RTP2: variants seen among roughly 807,000 people sequenced by gnomAD.
The protein encoded by RTP2 is receptor-transporting protein 2.
RTP2 carries 12 observed loss-of-function variants against 17.9 expected under a neutral mutation model. The ratio of observed to expected loss-of-function variants is 0.67; its 90% CI spans 0.43 to 1.09. The LOEUF (loss-of-function observed/expected upper bound fraction) is 1.09, where lower values mean the gene tolerates loss of function less well. Ranked by LOEUF, RTP2 falls within the 50% of genes least tolerant of loss-of-function variation. The pLI, the probability that RTP2 is intolerant of heterozygous loss-of-function variation, is 0.00. For synonymous variants in RTP2, 126 were observed against 117.7 expected, an observed-to-expected ratio of 1.07 and a Z score of -0.46; for missense variants, 327 against 295.7, an observed-to-expected ratio of 1.11 and a Z score of -0.78.
At chr3:187,701,312 C>T (rs1227615695) in intron 1 of RTP2, among the ~76,000 whole-genome samples, 3 of 152,154 alleles carry the variant, frequency 2.0e-5, no homozygotes, top group African/African-American at 7.2e-5. Flanking sequence ...ACCCTGGGCT[C>T]TAAGTTCCTA....
At chr3:187,715,033 TCAGGTTA>T in the RTP2 span, among the ~76,000 whole-genome samples, 410 of 151,954 alleles carry the variant, frequency 2.7e-3, 1 homozygote, top group Middle Eastern at 0.01. Flanking sequence ...GCAGGGCAAT[TCAGGTTA>T]CAGGTTACAG....
At chr3:187,702,554 C>T (rs1227416863) in exon 1 of RTP2, 1 of 457,592 alleles carries the variant, frequency 2.2e-6, no homozygotes, top group Non-Finnish European at 4.4e-6. Flanking sequence ...GTACGACACC[C>T]TAGGAAGTCA....
chr3:187,712,868 A>T, the RTP2 span, among the ~76,000 whole-genome samples: 1 of 152,280 alleles, frequency 6.6e-6, no homozygotes, highest in South Asian at 2.1e-4. Flanking sequence ...AGATTATCCT[A>T]TACAGTCTTT....
At chr3:187,707,818 C>A in the RTP2 span, among the ~76,000 whole-genome samples, 2 of 152,274 alleles carry the variant, frequency 1.3e-5, no homozygotes, top group Middle Eastern at 3.4e-3. Flanking sequence ...ATGCTGTTTC[C>A]ATGACACACT....
exon 2 of RTP2, chr3:187,698,800 G>A (rs865885461): frequency 1.2e-6 from 2 of 1,613,222 alleles, no homozygotes; most frequent in Non-Finnish European, 1.7e-6. Flanking sequence ...CACTGCTCGC[G>A]CAGGCTGGTG....
the RTP2 span, among the ~76,000 whole-genome samples, chr3:187,709,191 T>C: frequency 3.3e-5 from 5 of 152,350 alleles, no homozygotes; most frequent in East Asian, 7.7e-4. Context: ...TTTTAAAACA[T>C]TGCAGTGTTT....
At chr3:187,702,279 C>G (rs1047948869) in exon 1 of RTP2, 1 of 739,690 alleles carries the variant, frequency 1.4e-6, no homozygotes. Context: ...CTCTGTTACC[C>G]TGGAACCTGT....
At chr3:187,702,349 G>A in exon 1 of RTP2, 1 of 576,886 alleles carries the variant, frequency 1.7e-6, no homozygotes, top group Non-Finnish European at 3.1e-6. Flanking sequence ...AAGCCCCAAG[G>A]GGGAGTTTCA....
chr3:187,713,768 G>T, the RTP2 span, among the ~76,000 whole-genome samples: 2 of 151,820 alleles, frequency 1.3e-5, no homozygotes, highest in African/African-American at 2.4e-5. Context: ...TTGCAAGGCA[G>T]AAAAGCAGGA....
the RTP2 span, among the ~76,000 whole-genome samples, chr3:187,709,467 T>C: frequency 6.6e-6 from 1 of 152,172 alleles, no homozygotes; most frequent in Non-Finnish European, 1.5e-5. Flanking sequence ...GGGCAGATCA[T>C]GAAGTTAGGA....
Position 187,698,975 on chromosome 3 carries a change from A to C in RTP2, c.201T>G (p.Ser67=), listed in dbSNP as rs201463202. 3 of 1,588,788 alleles carry C rather than the reference A, an allele frequency of 1.9e-6. No homozygotes were observed. Among genetic ancestry groups the C allele is most frequent in the Non-Finnish European group, 2.6e-6 (3 of 1,166,618 alleles). Residue 67 remains serine, a synonymous_variant, in exon 2 of 2, where the codon TCT becomes TCG. Transcript: ENST00000358241. The stretch of plus-strand genomic sequence containing the variant: ...TGTGGAAGAGGATGACCACATGGGC[A>C]GACTGCCAGGTGTGCCAGCACCAGG...
At chr3:187,702,386 G>C in exon 1 of RTP2, 1 of 553,426 alleles carries the variant, frequency 1.8e-6, no homozygotes, top group South Asian at 1.7e-5. Context: ...TTCAGAGGCA[G>C]CGCTGGGTAG....
chr3:187,698,882 C>T (rs1717765581), exon 2 of RTP2: 1 of 1,612,510 alleles, frequency 6.2e-7, no homozygotes, highest in Non-Finnish European at 8.5e-7. Flanking sequence ...CCGTGCCGCA[C>T]TCATAGCACA....
the RTP2 span, among the ~76,000 whole-genome samples, chr3:187,713,766 C>T: frequency 6.6e-6 from 1 of 150,460 alleles, no homozygotes; most frequent in Non-Finnish European, 1.5e-5. Context: ...ATTTGCAAGG[C>T]AGAAAAGCAG....
the RTP2 span, among the ~76,000 whole-genome samples, chr3:187,710,343 G>A: frequency 6.0e-5 from 9 of 148,864 alleles, no homozygotes; most frequent in Admixed American, 2.7e-4. Flanking sequence ...TCACATGAGC[G>A]AATTCCTCAT....
the RTP2 span, among the ~76,000 whole-genome samples, chr3:187,709,344 A>G: frequency 6.6e-6 from 1 of 152,176 alleles, no homozygotes; most frequent in African/African-American, 2.4e-5. Flanking sequence ...AACCTGCATC[A>G]GCACCTCACC....
intron 1 of RTP2, 23 bp from the exon 2 acceptor site, chr3:187,699,034 TGGA>T (rs1245013821): frequency 6.4e-7 from 1 of 1,553,714 alleles, no homozygotes; most frequent in African/African-American, 1.4e-5. Flanking sequence ...GAAGGAGGGG[TGGA>T]GAAGGTGGGC....
intron 1 of RTP2, among the ~76,000 whole-genome samples, chr3:187,700,974 C>T (rs1717831270): frequency 6.6e-6 from 1 of 152,218 alleles, no homozygotes; most frequent in Admixed American, 6.5e-5. Flanking sequence ...CACATCTTGC[C>T]TCCTCTGTTC....
chr3:187,706,733 G>C (rs545283691), upstream of RTP2, among the ~76,000 whole-genome samples: 1 of 152,280 alleles, frequency 6.6e-6, no homozygotes, highest in Admixed American at 6.5e-5. Context: ...CTCCTGAGTA[G>C]CTGGGATCAC....
Sources: allele counts gnomAD v4.1 joint callset (sites outside exome capture counted in the v4.1 genomes callset), GRCh38; gene constraint gnomAD v4.1.1; transcripts MANE v1.5; gene names NCBI Gene and HGNC (gene_info 2026-07-23, HGNC 2026-07-21).